The following ATP6V0A4 variants were observed in gnomAD, a reference collection of about 807,000 sequenced individuals.
ATP6V0A4 encodes ATPase H+ transporting V0 subunit a4.
ATP6V0A4 carries 86 observed loss-of-function variants against 107.3 expected under a neutral mutation model. The ratio of observed to expected loss-of-function variants is 0.80; its 90% CI spans 0.67 to 0.96. ATP6V0A4 has a LOEUF of 0.96. Among genes scored for constraint, ATP6V0A4 ranks in the 40% least tolerant of loss-of-function variants. The probability of loss-of-function intolerance (pLI) is 0.00; values close to 1 mark genes in which losing one functional copy is unlikely to be tolerated. For synonymous variants in ATP6V0A4, 353 were observed against 381.4 expected, an observed-to-expected ratio of 0.93 and a Z score of 0.87; for missense variants, 908 against 1,045.6, an observed-to-expected ratio of 0.87 and a Z score of 1.81.
At chr7:138,784,410 C>G (rs1808090008) in intron 2 of ATP6V0A4, among the ~76,000 whole-genome samples, 1 of 150,406 alleles carries the variant, frequency 6.6e-6, no homozygotes. Flanking sequence ...GCTCCGTCTC[C>G]TGGGTTCACG....
At chr7:138,756,903 G>A (rs1320871973) in intron 8 of ATP6V0A4, among the ~76,000 whole-genome samples, 1 of 152,188 alleles carries the variant, frequency 6.6e-6, no homozygotes, top group African/African-American at 2.4e-5. Context: ...CTGATAAACT[G>A]GCTCACCAGA....
At chr7:138,718,277 GCGGT>G (rs1354124074) in intron 19 of ATP6V0A4, among the ~76,000 whole-genome samples, 1 of 28,000 alleles carries the variant, frequency 3.6e-5, no homozygotes, top group African/African-American at 1.9e-4. Context: ...GGAAGGAATG[GCGGT>G]GTGTGTGTGT....
intron 19 of ATP6V0A4, among the ~76,000 whole-genome samples, chr7:138,720,320 T>C (rs559912801): frequency 6.6e-6 from 1 of 152,106 alleles, no homozygotes; most frequent in South Asian, 2.1e-4. Flanking sequence ...GACCCATGTA[T>C]GATTAGACCT....
At chr7:138,760,218 C>T (rs539663806) in intron 7 of ATP6V0A4, among the ~76,000 whole-genome samples, 4 of 151,996 alleles carry the variant, frequency 2.6e-5, no homozygotes, top group South Asian at 4.2e-4. Flanking sequence ...CTGAGGCGGG[C>T]GGATCACCTG....
rs191059708 is a variant in ATP6V0A4, at chr7:138,761,225, G to A, written c.512+1115C>T. On this transcript the variant is annotated intron_variant, in intron 7 of 21. Transcript: ENST00000310018. ...CATTGTGCCTGTGGTCCAGCTACTC[G>A]CGAGGCAGAGGTAGGAAGATCACTT... Among the ~76,000 whole-genome samples, 391 of 152,076 alleles carry A rather than the reference G, an allele frequency of 2.6e-3. 8 individuals are homozygous for A. The highest frequency in any genetic ancestry group is 8.1e-3 in the East Asian group (42 of 5,174).
intron 1 of ATP6V0A4, among the ~76,000 whole-genome samples, chr7:138,790,544 C>T (rs1257646152): frequency 6.6e-6 from 1 of 152,206 alleles, no homozygotes; most frequent in Non-Finnish European, 1.5e-5. Flanking sequence ...ATCAGCCCAC[C>T]TTGGCCTTCC....
At chr7:138,790,665 T>TTA (rs1251174827) in intron 1 of ATP6V0A4, among the ~76,000 whole-genome samples, 1 of 152,200 alleles carries the variant, frequency 6.6e-6, no homozygotes, top group African/African-American at 2.4e-5. Flanking sequence ...TTTACAAACA[T>TTA]TGTAATATTG....
chr7:138,743,623 T>G (rs1490709628), intron 14 of ATP6V0A4, among the ~76,000 whole-genome samples: 1 of 152,142 alleles, frequency 6.6e-6, no homozygotes, highest in Non-Finnish European at 1.5e-5. Context: ...GTCCCTTCCT[T>G]GGGAGAGGAA....
At chr7:138,766,993 A>C (rs1807123089) in intron 5 of ATP6V0A4, among the ~76,000 whole-genome samples, 1 of 152,196 alleles carries the variant, frequency 6.6e-6, no homozygotes, top group Non-Finnish European at 1.5e-5. Context: ...ACAGCACATC[A>C]CCAACAGATT....
chr7:138,739,758 G>A (rs1464313004), intron 14 of ATP6V0A4, 125 bp from the exon 15 acceptor site: 21 of 1,496,626 alleles, frequency 1.4e-5, no homozygotes, highest in Middle Eastern at 2.2e-4. Context: ...CACTTTGGTT[G>A]GTTCAATATC....
chr7:138,779,361 T>TAA (rs1257357353), intron 2 of ATP6V0A4, among the ~76,000 whole-genome samples: 17 of 89,528 alleles, frequency 1.9e-4, no homozygotes, highest in African/African-American at 4.8e-4. Context: ...AAAAAATAAA[T>TAA]AAATAAAAGA....
At chr7:138,739,819 C>A in intron 14 of ATP6V0A4, 186 bp from the exon 15 acceptor site, 1 of 606,622 alleles carries the variant, frequency 1.6e-6, no homozygotes, top group Non-Finnish European at 2.1e-6. Context: ...TCTGAGTTTG[C>A]AAAGAGATCT....
chr7:138,763,172 CACAG>C, intron 5 of ATP6V0A4, 147 bp from the exon 6 acceptor site: 2 of 845,066 alleles, frequency 2.4e-6, no homozygotes, highest in African/African-American at 1.7e-5. Context: ...CACAGACACA[CACAG>C]ACACACACAG....
chr7:138,733,572 CTTTTTTTTTTTTTT>C (rs3080537), intron 16 of ATP6V0A4, among the ~76,000 whole-genome samples: 1 of 87,076 alleles, frequency 1.1e-5, no homozygotes, highest in South Asian at 4.8e-4. Flanking sequence ...AATGGTTTCT[CTTTTTTTTTTTTTT>C]TTTTTTTTTT....
At chr7:138,725,575 C>T (rs1009272109) in intron 18 of ATP6V0A4, among the ~76,000 whole-genome samples, 7 of 151,644 alleles carry the variant, frequency 4.6e-5, no homozygotes, top group African/African-American at 1.7e-4. Flanking sequence ...GCAATGGCGG[C>T]GATCTCAGCT....
Position 138,768,782 on chromosome 7 carries a change from C to T in ATP6V0A4, c.289G>A (p.Glu97Lys). The change falls in exon 5 of 22, where the codon GAG becomes AAG. Residue 97 changes from glutamate (E) to lysine (K), a missense_variant and splice_region_variant. Physicochemically the swap from Glu to Lys is moderately conservative, Grantham distance 56. Coordinates refer to ENST00000310018, the MANE Select transcript of ATP6V0A4 (RefSeq NM_020632.3). Reference protein sequence around the residue: ...TPLPREMITLETVLEKLEGEL... With the variant: ...TPLPREMITLKTVLEKLEGEL... The stretch of plus-strand genomic sequence containing the variant: ...GGCCAGCAAAGTGGAGAACTTACCT[C>T]CAGGGTAATCATTTCCCGTGGGAGC... 1 of 1,614,164 alleles carries T rather than the reference C, an allele frequency of 6.2e-7. No individual in the cohort carries two copies. Among genetic ancestry groups the T allele is most frequent in the Non-Finnish European group, 8.5e-7 (1 of 1,180,028 alleles).
At chr7:138,730,074 C>T (rs1032609138) in intron 17 of ATP6V0A4, among the ~76,000 whole-genome samples, 7 of 152,226 alleles carry the variant, frequency 4.6e-5, no homozygotes, top group South Asian at 2.1e-4. Context: ...TTAGTCGGGA[C>T]GGGGTTTCAC....
chr7:138,725,694 G>T (rs1321867529), intron 18 of ATP6V0A4, among the ~76,000 whole-genome samples: 3 of 151,968 alleles, frequency 2.0e-5, no homozygotes, highest in Non-Finnish European at 4.4e-5. Flanking sequence ...TGTATTTTTA[G>T]TAGAGACAGG....
At chr7:138,712,472 C>T (rs1266799248) in intron 20 of ATP6V0A4, among the ~76,000 whole-genome samples, 1 of 152,024 alleles carries the variant, frequency 6.6e-6, no homozygotes, top group Non-Finnish European at 1.5e-5. Context: ...CCTAACCTGA[C>T]CAGTGCAGGA....
Sources: gnomAD v4.1 joint callset for allele counts (sites outside exome capture counted in the v4.1 genomes callset) on GRCh38, gnomAD v4.1.1 for gene constraint, MANE v1.5 for transcripts, NCBI Gene and HGNC (gene_info 2026-07-23, HGNC 2026-07-21) for gene names.